Variants in SLC36A1 observed in about 807,000 individuals in gnomAD.
The protein encoded by SLC36A1 is solute carrier family 36 member 1.
In SLC36A1, 30 loss-of-function variants were observed where a neutral mutation model predicts 47.5. The ratio of observed to expected loss-of-function variants is 0.63; its 90% confidence interval spans 0.47 to 0.86. The LOEUF is 0.86. SLC36A1 is among the 40% of genes least tolerant of loss of function. SLC36A1 has a pLI of 0.00. For synonymous variants in SLC36A1, 255 were observed against 249.7 expected (o/e 1.02, Z -0.20); for missense variants, 517 against 606.0 (o/e 0.85, Z 1.54).
chr5:151,537,962 CAAA>C, the SLC36A1 span: 10 of 1,611,890 alleles, frequency 6.2e-6, no homozygotes, highest in South Asian at 9.9e-5. Context: ...GATGGAAAGA[CAAA>C]GAAGAGGGAG....
At chr5:151,435,819 CTA>C (rs1759740324), upstream of SLC36A1, among the ~76,000 whole-genome samples, 1 of 147,520 alleles carries the variant, frequency 6.8e-6, no homozygotes, top group Non-Finnish European at 1.5e-5. Flanking sequence ...GTAAATATGA[CTA>C]TAAATATATC....
the SLC36A1 span, among the ~76,000 whole-genome samples, chr5:151,394,173 C>T: frequency 6.6e-6 from 1 of 152,138 alleles, no homozygotes. Flanking sequence ...TCACTGATAC[C>T]CTTTCTTCCA....
chr5:151,385,007 A>AGTGTGTGTGTGTGT, the SLC36A1 span, among the ~76,000 whole-genome samples: 14 of 102,018 alleles, frequency 1.4e-4, no homozygotes, highest in African/African-American at 7.9e-4. Flanking sequence ...AGAGAGAGAG[A>AGTGTGTGTGTGTGT]GAGTGTGTGT....
At chr5:151,351,719 A>G in the SLC36A1 span, among the ~76,000 whole-genome samples, 5 of 152,220 alleles carry the variant, frequency 3.3e-5, no homozygotes, top group East Asian at 9.6e-4. Context: ...GTTATACAGT[A>G]TTCAGAGCAA....
chr5:151,446,643 T>C (rs1388494248), upstream of SLC36A1, among the ~76,000 whole-genome samples: 1 of 152,262 alleles, frequency 6.6e-6, no homozygotes, highest in Non-Finnish European at 1.5e-5. Context: ...AATATTAATA[T>C]GATTTCAATC....
At chr5:151,388,370 G>A in the SLC36A1 span, among the ~76,000 whole-genome samples, 1 of 151,944 alleles carries the variant, frequency 6.6e-6, no homozygotes, top group African/African-American at 2.4e-5. Context: ...GCGTGTTGGC[G>A]CATGCCGGTA....
the SLC36A1 span, among the ~76,000 whole-genome samples, chr5:151,370,570 C>T: frequency 6.6e-6 from 1 of 152,176 alleles, no homozygotes; most frequent in African/African-American, 2.4e-5. Context: ...ATATTCTTTG[C>T]AGCATTGTTT....
At chr5:151,380,076 C>T in the SLC36A1 span, among the ~76,000 whole-genome samples, 4 of 151,856 alleles carry the variant, frequency 2.6e-5, no homozygotes, top group Non-Finnish European at 5.9e-5. Context: ...AATTAATAAA[C>T]CAGAAAATTA....
the SLC36A1 span, among the ~76,000 whole-genome samples, chr5:151,395,837 T>A: frequency 2.0e-5 from 3 of 152,222 alleles, no homozygotes; most frequent in South Asian, 6.2e-4. Context: ...TGAGACAGAG[T>A]CTTGCTCTGT....
At chr5:151,481,728 C>A (rs1758826443) in intron 10 of SLC36A1, among the ~76,000 whole-genome samples, 1 of 151,950 alleles carries the variant, frequency 6.6e-6, no homozygotes, top group Admixed American at 6.6e-5. Context: ...CTTTGTGATG[C>A]TTAATTTCAA....
intron 10 of SLC36A1, among the ~76,000 whole-genome samples, chr5:151,483,308 A>G (rs1270076226): frequency 6.6e-6 from 1 of 152,180 alleles, no homozygotes; most frequent in Admixed American, 6.5e-5. Flanking sequence ...CAGCAGTTTA[A>G]AAGCTCATAT....
chr5:151,479,458 G>C lies in SLC36A1; in HGVS notation c.1128G>C (p.Leu376=), dbSNP rs767549584. The C allele has an allele frequency of 6.8e-6, 11 of 1,614,120 alleles. No homozygotes were observed. The Admixed American group carries it at 1.8e-4, about 27-fold the overall frequency. ...APEHCELVVD[L]FVRTVLVCLT... Reference sequence around the variant, plus strand: ...AGCACTGTGAGTTAGTGGTGGACCTGTTTGTGCGCACAGTGCTGGTCTGCC... The same window carrying C: ...AGCACTGTGAGTTAGTGGTGGACCTCTTTGTGCGCACAGTGCTGGTCTGCC... Residue 376 remains leucine (L), a synonymous_variant, in exon 10 of 11, where the codon CTG becomes CTC. Transcript: ENST00000243389.
At position 151,479,401 on chromosome 5, in the gene SLC36A1, C is replaced by A. The variant is rs1758513349; in HGVS notation, c.1071C>A (p.Ile357=). 1 of 1,614,106 alleles carries A rather than the reference C, an allele frequency of 6.2e-7. No individual in the cohort carries two copies. The highest frequency in any genetic ancestry group is 8.5e-7 in the Non-Finnish European group (1 of 1,180,032). ...TCCAGTTCTACGTCCCGGCTGAGAT[C>A]ATCATCCCCTTCTTTGTGTCCCGAG... ...YALQFYVPAE[I]IIPFFVSRAP... Residue 357 remains isoleucine, a synonymous_variant, in exon 10 of 11, where the codon ATC becomes ATA. Coordinates refer to ENST00000243389, the MANE Select transcript of SLC36A1 (RefSeq NM_078483.4).
At chr5:151,474,845 G>A (rs1420813980) in intron 8 of SLC36A1, among the ~76,000 whole-genome samples, 1 of 152,232 alleles carries the variant, frequency 6.6e-6, no homozygotes, top group Non-Finnish European at 1.5e-5. Context: ...CCACAAATGG[G>A]AAGAGCCTCC....
the SLC36A1 span, among the ~76,000 whole-genome samples, chr5:151,530,281 T>C: frequency 1.3e-5 from 2 of 150,622 alleles, no homozygotes; most frequent in Non-Finnish European, 2.9e-5. Context: ...TTAGCTCTTA[T>C]GTGCGTCCAG....
At chr5:151,451,431 G>A (rs1312114699) in intron 1 of SLC36A1, among the ~76,000 whole-genome samples, 1 of 152,090 alleles carries the variant, frequency 6.6e-6, no homozygotes, top group South Asian at 2.1e-4. Flanking sequence ...TAGGAAATCT[G>A]TCTGTGGGTT....
chr5:151,491,972 T>A lies in SLC36A1; in HGVS notation c.*3718T>A, dbSNP rs1290403721. 1 of 152,290 alleles carries A rather than the reference T, an allele frequency of 6.6e-6. No homozygotes were observed. Among genetic ancestry groups the A allele is most frequent in the Non-Finnish European group, 1.5e-5 (1 of 68,078 alleles). The allele number at this position is 152,290 out of a possible 1,614,324, so 9.4% of individuals were successfully genotyped here. The stretch of plus-strand genomic sequence containing the variant: ...CCTGTAACATTTCTTCTCTTTCCTT[T>A]GTGCCACTGAGTCGTTCCCTGGCCA... On this transcript the variant is annotated 3_prime_UTR_variant, in exon 11 of 11. Transcript: ENST00000243389.
the SLC36A1 span, among the ~76,000 whole-genome samples, chr5:151,416,644 C>T: frequency 9.5e-6 from 1 of 105,750 alleles, no homozygotes; most frequent in Non-Finnish European, 2.1e-5. Context: ...GCTCTGTTGT[C>T]AGGGTGTCAG....
At chr5:151,447,168 A>G (rs1581037640), upstream of SLC36A1, among the ~76,000 whole-genome samples, 1 of 152,252 alleles carries the variant, frequency 6.6e-6, no homozygotes, top group African/African-American at 2.4e-5. Context: ...AAAAATTTGA[A>G]TGTATTAAAA....
Sources: allele counts gnomAD v4.1 joint callset (sites outside exome capture counted in the v4.1 genomes callset), GRCh38; gene constraint gnomAD v4.1.1; transcripts MANE v1.5; gene names NCBI Gene and HGNC (gene_info 2026-07-23, HGNC 2026-07-21).